The following ARHGAP15 variants were observed in gnomAD, a reference collection of about 807,000 sequenced individuals.
The protein encoded by ARHGAP15 is Rho GTPase activating protein 15.
Under a neutral mutation model 63.7 loss-of-function variants are expected in ARHGAP15, and 51 were observed. The ratio of observed to expected loss-of-function variants is 0.80; its 90% CI spans 0.64 to 1.01. The LOEUF is 1.01. ARHGAP15 is among the 50% of genes least tolerant of loss of function. The pLI is 0.00. For missense variants in ARHGAP15, 560 were observed against 564.6 expected, an observed-to-expected ratio of 0.99 and a Z score of 0.08; for synonymous variants, 191 against 193.8, an observed-to-expected ratio of 0.99 and a Z score of 0.12.
chr2:143,547,295 G>A (rs1695373874), intron 10 of ARHGAP15, among the ~76,000 whole-genome samples: 1 of 152,004 alleles, frequency 6.6e-6, no homozygotes, highest in Admixed American at 6.6e-5. Flanking sequence ...CAGGTATTAA[G>A]GTACATAAAT....
chr2:143,247,650 A>G (rs6736543), intron 5 of ARHGAP15, among the ~76,000 whole-genome samples: 26,113 of 152,164 alleles, frequency 0.17, 2,436 homozygotes, highest in Middle Eastern at 0.24. Context: ...TAAAGCTAAT[A>G]TGAGATTTTT....
chr2:143,411,300 A>G (rs1416787838), intron 6 of ARHGAP15, among the ~76,000 whole-genome samples: 2 of 152,216 alleles, frequency 1.3e-5, no homozygotes, highest in Non-Finnish European at 2.9e-5. Context: ...TTCATATTTT[A>G]GGAACCATGG....
At chr2:143,731,325 A>ACCC (rs1685526946) in intron 13 of ARHGAP15, among the ~76,000 whole-genome samples, 1 of 152,202 alleles carries the variant, frequency 6.6e-6, no homozygotes, top group African/African-American at 2.4e-5. Context: ...CAATGGGGGT[A>ACCC]ATTCCATCAC....
At chr2:143,726,549 G>A (rs372477228) in intron 13 of ARHGAP15, among the ~76,000 whole-genome samples, 1 of 152,304 alleles carries the variant, frequency 6.6e-6, no homozygotes, top group South Asian at 2.1e-4. Context: ...TGCTTTAGAG[G>A]CACCTAATTA....
At chr2:143,279,075 A>C (rs932560840) in intron 6 of ARHGAP15, among the ~76,000 whole-genome samples, 1 of 152,064 alleles carries the variant, frequency 6.6e-6, no homozygotes, top group South Asian at 2.1e-4. Flanking sequence ...CCTGCCCCCT[A>C]TCTACCTCTC....
At chr2:143,216,517 ATT>A in intron 4 of ARHGAP15, 72 bp downstream of exon 4, 1 of 1,114,852 alleles carries the variant, frequency 9.0e-7, no homozygotes, top group Admixed American at 2.0e-5. Flanking sequence ...TGCCACTGTT[ATT>A]GTTTGGGATG....
At chr2:143,381,067 G>C (rs1687034731) in intron 6 of ARHGAP15, among the ~76,000 whole-genome samples, 1 of 152,082 alleles carries the variant, frequency 6.6e-6, no homozygotes, top group Non-Finnish European at 1.5e-5. Context: ...CTTGAATATT[G>C]TTTAGAGTCA....
chr2:143,664,275 G>T (rs541468517), intron 12 of ARHGAP15, among the ~76,000 whole-genome samples: 25 of 151,928 alleles, frequency 1.6e-4, no homozygotes, highest in African/African-American at 5.8e-4. Flanking sequence ...ACTCAAAACC[G>T]CTCAACTACA....
chr2:143,431,913 G>A (rs1689406164), intron 6 of ARHGAP15, among the ~76,000 whole-genome samples: 1 of 151,966 alleles, frequency 6.6e-6, no homozygotes, highest in Non-Finnish European at 1.5e-5. Flanking sequence ...GTAGCACCAT[G>A]TCACTCATTA....
intron 6 of ARHGAP15, among the ~76,000 whole-genome samples, chr2:143,252,769 A>G (rs539346396): frequency 1.1e-4 from 17 of 152,084 alleles, no homozygotes; most frequent in Non-Finnish European, 2.2e-4. Flanking sequence ...TTTGAGAGGA[A>G]CAATATAAAT....
At chr2:143,699,558 C>T (rs986157798) in intron 12 of ARHGAP15, among the ~76,000 whole-genome samples, 5 of 152,188 alleles carry the variant, frequency 3.3e-5, no homozygotes, top group African/African-American at 7.2e-5. Context: ...GATACTTATA[C>T]ATAACTGACC....
intron 8 of ARHGAP15, among the ~76,000 whole-genome samples, chr2:143,440,503 G>A (rs1281865699): frequency 6.6e-6 from 1 of 152,144 alleles, no homozygotes; most frequent in Non-Finnish European, 1.5e-5. Context: ...ATTGTAGACA[G>A]ATAAAGCCAG....
chr2:143,293,727 C>G (rs1007359585), intron 6 of ARHGAP15, among the ~76,000 whole-genome samples: 1 of 151,790 alleles, frequency 6.6e-6, no homozygotes, highest in African/African-American at 2.4e-5. Flanking sequence ...AGGAAGGAAA[C>G]GGAAAGTAAT....
At chr2:143,152,036 TTG>T (rs1266674739) in intron 1 of ARHGAP15, among the ~76,000 whole-genome samples, 3 of 152,038 alleles carry the variant, frequency 2.0e-5, no homozygotes, top group Admixed American at 2.0e-4. Context: ...CAAAAAAACA[TTG>T]TGTGTTATGT....
At chr2:143,580,452 A>G (rs1158070387) in intron 11 of ARHGAP15, among the ~76,000 whole-genome samples, 1 of 152,064 alleles carries the variant, frequency 6.6e-6, no homozygotes, top group African/African-American at 2.4e-5. Flanking sequence ...AGAGAATGGT[A>G]TGTTTATTTC....
At chr2:143,332,399 A>T (rs1684588411) in intron 6 of ARHGAP15, among the ~76,000 whole-genome samples, 1 of 151,986 alleles carries the variant, frequency 6.6e-6, no homozygotes, top group Admixed American at 6.6e-5. Flanking sequence ...GCTTAATAAG[A>T]TCTTCATCTG....
chr2:143,742,856 G>C (rs558342829), intron 13 of ARHGAP15, among the ~76,000 whole-genome samples: 34 of 152,356 alleles, frequency 2.2e-4, no homozygotes, highest in Middle Eastern at 6.8e-3. Context: ...TTCTCACACA[G>C]CAAAGCCATA....
At chr2:143,759,388 G>A (rs1254268354) in intron 13 of ARHGAP15, among the ~76,000 whole-genome samples, 1 of 152,020 alleles carries the variant, frequency 6.6e-6, no homozygotes, top group East Asian at 1.9e-4. Flanking sequence ...ATAAGTCATA[G>A]GAATTATTCC....
chr2:143,542,182 T>C (rs1178090165), intron 10 of ARHGAP15, among the ~76,000 whole-genome samples: 1 of 152,156 alleles, frequency 6.6e-6, no homozygotes, highest in Non-Finnish European at 1.5e-5. Flanking sequence ...GAGCTAGGTG[T>C]GGGATATAAT....
Sources: allele counts gnomAD v4.1 joint callset (sites outside exome capture counted in the v4.1 genomes callset), GRCh38; gene constraint gnomAD v4.1.1; transcripts MANE v1.5; gene names NCBI Gene and HGNC (gene_info 2026-07-23, HGNC 2026-07-21).